The following EPM2A variants were observed in gnomAD, a reference collection of about 807,000 sequenced individuals.
EPM2A encodes the protein EPM2A glucan phosphatase, laforin.
A neutral mutation model predicts 26.5 loss-of-function variants in EPM2A; 21 were observed. That is an observed-to-expected ratio of 0.79 (90% CI 0.56 to 1.14). The LOEUF (loss-of-function observed/expected upper bound fraction) is 1.14, where lower values mean the gene tolerates loss of function less well. Among genes scored for constraint, EPM2A ranks in the 50% most tolerant of loss-of-function variants. EPM2A has a pLI of 0.00. For missense variants in EPM2A, 458 were observed against 440.8 expected (o/e 1.04, Z -0.35); for synonymous variants, 217 against 177.6 (o/e 1.22, Z -1.76).
chr6:145,673,785 A>G (rs1009698499), intron 2 of EPM2A, among the ~76,000 whole-genome samples: 1 of 152,124 alleles, frequency 6.6e-6, no homozygotes, highest in Non-Finnish European at 1.5e-5. Flanking sequence ...GGAAGCTCAA[A>G]CTGGACAGAG....
In EPM2A at chr6:145,635,197, G is replaced by A. The variant is rs764579586; in HGVS notation, c.718+48C>T. ...TTATAGATAGACAGACAGACAGCAA[G>A]GGTTTCTCTGAAATACAGCAAGGAG... On this transcript the variant is annotated intron_variant, in intron 3 of 3. Transcript: ENST00000367519. The A allele has an allele frequency of 8.1e-6, 13 of 1,609,592 alleles. No individual in the cohort carries two copies. The Admixed American group carries it at 2.2e-4, about 27-fold the overall frequency.
intron 2 of EPM2A, chr6:145,635,741 A>G: frequency 2.2e-6 from 1 of 456,206 alleles, no homozygotes. Context: ...CAAGCAATAT[A>G]TTAAAATAAG....
intron 2 of EPM2A, among the ~76,000 whole-genome samples, chr6:145,608,361 C>T (rs1042253757): frequency 6.6e-6 from 1 of 152,146 alleles, no homozygotes; most frequent in Non-Finnish European, 1.5e-5. Context: ...ACATATACAC[C>T]TTCCAAAGCC....
At chr6:145,537,844 C>T (rs994227380) in intron 2 of EPM2A, among the ~76,000 whole-genome samples, 1 of 151,034 alleles carries the variant, frequency 6.6e-6, no homozygotes, top group African/African-American at 2.4e-5. Context: ...TGAGTGAGAA[C>T]ATGCAGTGTT....
chr6:145,617,953 T>C (rs1775552011), intron 2 of EPM2A, among the ~76,000 whole-genome samples: 1 of 152,180 alleles, frequency 6.6e-6, no homozygotes, highest in South Asian at 2.1e-4. Flanking sequence ...AAAAAAAATT[T>C]TTTTAATTAA....
At chr6:145,603,618 C>G (rs1275011025) in intron 2 of EPM2A, among the ~76,000 whole-genome samples, 2 of 152,152 alleles carry the variant, frequency 1.3e-5, no homozygotes, top group Non-Finnish European at 2.9e-5. Context: ...ATCTACTTTC[C>G]TCTTTTATAT....
chr6:145,481,620 A>G (rs1779612076), intron 4 of EPM2A, among the ~76,000 whole-genome samples: 1 of 152,064 alleles, frequency 6.6e-6, no homozygotes, highest in Non-Finnish European at 1.5e-5. Flanking sequence ...CCAAGACCTG[A>G]CTACAATCTC....
In EPM2A at chr6:145,438,339, C is replaced by A. The variant is rs375283778; in HGVS notation, c.556-54242G>T. Among the ~76,000 whole-genome samples the A allele has an allele frequency of 5.0e-4, 76 of 152,222 alleles. No individual in the cohort carries two copies. In the South Asian group the frequency reaches 0.011, roughly 21 times the overall value. On this transcript the variant is annotated intron_variant, in intron 4 of 4. Transcript: ENST00000638717. ...CTGCTAACTGTAATTGTGTGCTTATCTCTCCCCTGAGTTTTGGCTATTATA... is the reference window on the plus strand; with the variant it reads ...CTGCTAACTGTAATTGTGTGCTTATATCTCCCCTGAGTTTTGGCTATTATA...
Position 145,576,864 on chromosome 6 carries a change from TC to T in EPM2A, c.340+58380del, listed in dbSNP as rs543677376. Among the ~76,000 whole-genome samples, 307 of 151,822 alleles carry T rather than the reference TC, an allele frequency of 2.0e-3. 3 individuals carry two copies. Among genetic ancestry groups the T allele is most frequent in the East Asian group, 2.5e-3 (13 of 5,178 alleles). ...TAAAAAGGTATAGAGACAAAAAAAG[TC>T]AAAAAATGTAAAAATTGAGTTAAAG... On this transcript the variant is annotated intron_variant, in intron 2 of 3. Coordinates refer to the EPM2A transcript ENST00000450221.
intron 4 of EPM2A, among the ~76,000 whole-genome samples, chr6:145,472,105 T>G (rs930956754): frequency 3.3e-5 from 5 of 151,534 alleles, no homozygotes; most frequent in Non-Finnish European, 7.4e-5. Context: ...GTCAGAGTCA[T>G]GAGGCCCCCA....
intron 2 of EPM2A, among the ~76,000 whole-genome samples, chr6:145,553,419 C>A (rs2114806344): frequency 6.6e-6 from 1 of 152,198 alleles, no homozygotes; most frequent in African/African-American, 2.4e-5. Flanking sequence ...GGCTAACGAA[C>A]TCACCAAAAA....
intron 4 of EPM2A, among the ~76,000 whole-genome samples, chr6:145,422,916 C>T (rs1277521318): frequency 6.6e-6 from 1 of 151,962 alleles, no homozygotes; most frequent in Non-Finnish European, 1.5e-5. Context: ...GACTCACTCA[C>T]TTTTACCCTA....
intron 2 of EPM2A, among the ~76,000 whole-genome samples, chr6:145,547,350 C>T (rs1213743720): frequency 1.3e-5 from 2 of 152,078 alleles, no homozygotes; most frequent in Non-Finnish European, 2.9e-5. Context: ...TGAGACTTCT[C>T]CTGGGTTTTC....
Position 145,735,259 on chromosome 6 carries a change from G to T in EPM2A, c.240C>A (p.Arg80=). 1.3e-6 allele frequency: 2 copies of T among 1,526,606 alleles called. No individual in the cohort carries two copies. Among genetic ancestry groups the T allele is most frequent in the South Asian group, 1.2e-5 (1 of 82,250 alleles). The allele number at this position is 1,526,606 out of a possible 1,614,324, so 94.6% of individuals were successfully genotyped here. A position where few individuals can be genotyped will look rare whatever the true frequency, so the allele number is the denominator to read the frequency against. Residue 80 remains arginine (R), a synonymous_variant, in exon 1 of 4, where the codon CGC becomes CGA. Transcript: ENST00000367519. ...EAAQDGAEPG[R]VDTFWYKFLK... is the part of the protein sequence containing the mutation. ...GGAACTTGTACCAGAACGTGTCCAC[G>T]CGGCCCGGCTCCGCCCCGTCCTGCG...
At chr6:145,682,701 G>A (rs1022279893) in intron 2 of EPM2A, 31 of 152,066 alleles carry the variant, frequency 2.0e-4, no homozygotes, top group African/African-American at 7.0e-4. Flanking sequence ...AATAAATGAA[G>A]TTACCATTTA....
At chr6:145,425,694 G>A (rs879295789) in intron 4 of EPM2A, among the ~76,000 whole-genome samples, 13 of 150,616 alleles carry the variant, frequency 8.6e-5, no homozygotes, top group Middle Eastern at 3.5e-3. Context: ...TTACACTTTC[G>A]TTATTGTGAA....
At chr6:145,446,335 T>C (rs1485303439) in intron 4 of EPM2A, among the ~76,000 whole-genome samples, 1 of 152,258 alleles carries the variant, frequency 6.6e-6, no homozygotes, top group Admixed American at 6.5e-5. Flanking sequence ...TGGTATAATA[T>C]GCTATGTAGC....
chr6:145,708,146 G>A (rs1309954918), intron 1 of EPM2A, among the ~76,000 whole-genome samples: 1 of 152,176 alleles, frequency 6.6e-6, no homozygotes, highest in Non-Finnish European at 1.5e-5. Flanking sequence ...TCTGGTGGAA[G>A]AAATTTCTAA....
At chr6:145,570,770 G>T (rs938304319) in intron 2 of EPM2A, among the ~76,000 whole-genome samples, 1 of 152,156 alleles carries the variant, frequency 6.6e-6, no homozygotes, top group Non-Finnish European at 1.5e-5. Context: ...GTTTCCCATT[G>T]ACCTTAATCA....
Sources: gnomAD v4.1 joint callset for allele counts (sites outside exome capture counted in the v4.1 genomes callset) on GRCh38, gnomAD v4.1.1 for gene constraint, MANE v1.5 for transcripts, NCBI Gene and HGNC (gene_info 2026-07-23, HGNC 2026-07-21) for gene names.